SCAMP1: variants seen among roughly 807,000 people sequenced by gnomAD.
SCAMP1 encodes the protein secretory carrier membrane protein 1.
A neutral mutation model predicts 41.8 loss-of-function variants in SCAMP1; 15 were observed. The observed-to-expected ratio is 0.36, with a 90% CI of 0.24 to 0.55. The LOEUF is 0.55. SCAMP1 is among the 20% of genes least tolerant of loss of function. The probability of loss-of-function intolerance (pLI) is 0.86; values close to 1 mark genes in which losing one functional copy is unlikely to be tolerated. For synonymous variants in SCAMP1, 135 were observed against 136.8 expected (o/e 0.99, Z 0.09); for missense variants, 341 against 412.6 (o/e 0.83, Z 1.50).
chr5:78,370,907 C>A (rs1419208150), intron 1 of SCAMP1: 2 of 152,146 alleles, frequency 1.3e-5, no homozygotes, highest in African/African-American at 4.8e-5. Context: ...TTTTGATTTG[C>A]AGTCTGCTGA....
chr5:78,474,282 G>A (rs747225613), intron 8 of SCAMP1, among the ~76,000 whole-genome samples: 2 of 151,980 alleles, frequency 1.3e-5, no homozygotes, highest in African/African-American at 2.4e-5. Context: ...AAGAATTTTG[G>A]GGGGAACACA....
chr5:78,414,966 T>C lies in SCAMP1; in HGVS notation c.136-554T>C, dbSNP rs567630832. ...TTAAACTCAAAAGTTCTTTTTTTTT[T>C]TTTTTGAGATGGAGTCTTGCTCTGT... On this transcript the variant is annotated intron_variant, in intron 2 of 8. Coordinates refer to ENST00000621999, the MANE Select transcript of SCAMP1 (RefSeq NM_004866.6). Among the ~76,000 whole-genome samples, 3 of 151,900 alleles carry C rather than the reference T, an allele frequency of 2.0e-5. No homozygotes were observed. In the East Asian group the frequency reaches 5.8e-4, roughly 29 times the overall value.
In SCAMP1 at chr5:78,391,879, C is replaced by T. The variant is rs1037269808; in HGVS notation, c.135+2965C>T. Among the ~76,000 whole-genome samples, 14 of 152,284 alleles carry T rather than the reference C, an allele frequency of 9.2e-5. No individual in the cohort carries two copies. The South Asian group carries it at 1.7e-3, about 18-fold the overall frequency. ...AAAACTGGTCAGGCGTGGCGGCGCG[C>T]GCCTGCAATCGCAGGCACTCGGCAG... On this transcript the variant is annotated intron_variant, in intron 2 of 8. Transcript: ENST00000621999.
At chr5:78,428,608 A>C (rs994750712) in intron 6 of SCAMP1, among the ~76,000 whole-genome samples, 1 of 152,070 alleles carries the variant, frequency 6.6e-6, no homozygotes, top group Admixed American at 6.6e-5. Context: ...CATTTCATTT[A>C]AATTTTGGAC....
intron 8 of SCAMP1, among the ~76,000 whole-genome samples, chr5:78,469,802 G>A (rs569044769): frequency 6.7e-6 from 1 of 148,906 alleles, no homozygotes; most frequent in Non-Finnish European, 1.5e-5. Context: ...GGTTTGGGGG[G>A]CCGAGGCAAG....
At position 78,443,073 on chromosome 5, in the gene SCAMP1, T is replaced by TG. The variant is rs766497233; in HGVS notation, c.633-6859dup. On this transcript the variant is annotated intron_variant, in intron 6 of 8. Coordinates refer to ENST00000621999, the MANE Select transcript of SCAMP1 (RefSeq NM_004866.6). ...TACAAAAACAAAAATATTAGCTGGG[T>TG]GTGGTGGTGGGTGCCTGTAGTCCCA... Among the ~76,000 whole-genome samples, 22 of 150,946 alleles carry TG rather than the reference T, an allele frequency of 1.5e-4. No individual in the cohort carries two copies. The East Asian group carries it at 1.8e-3, about 12-fold the overall frequency.
At chr5:78,405,336 G>A (rs1248325845) in intron 2 of SCAMP1, among the ~76,000 whole-genome samples, 1 of 152,058 alleles carries the variant, frequency 6.6e-6, no homozygotes, top group Non-Finnish European at 1.5e-5. Context: ...CCCTCTCCCT[G>A]TGTATTCCTG....
intron 2 of SCAMP1, among the ~76,000 whole-genome samples, chr5:78,404,170 C>G (rs1751872471): frequency 6.7e-6 from 1 of 149,888 alleles, no homozygotes; most frequent in Admixed American, 6.7e-5. Flanking sequence ...TATGCTCATG[C>G]TTGCTTTATG....
intron 3 of SCAMP1, 47 bp downstream of exon 3, chr5:78,415,665 C>T (rs1752193491): frequency 8.7e-7 from 1 of 1,149,698 alleles, no homozygotes; most frequent in Non-Finnish European, 1.3e-6. Flanking sequence ...ATTATAATAT[C>T]AATAACATTT....
chr5:78,360,769 C>A (rs1044437240), intron 1 of SCAMP1, 41 bp downstream of exon 1: 4 of 1,572,162 alleles, frequency 2.5e-6, no homozygotes, highest in Non-Finnish European at 3.5e-6. Flanking sequence ...CGCGACGCGT[C>A]GTTGTTTGTG....
chr5:78,372,564 G>A (rs552795361), intron 1 of SCAMP1, among the ~76,000 whole-genome samples: 1 of 151,898 alleles, frequency 6.6e-6, no homozygotes, highest in East Asian at 1.9e-4. Flanking sequence ...AAAAAAATTA[G>A]ATGTCTTTTT....
chr5:78,396,440 A>T (rs1269158297), intron 2 of SCAMP1, among the ~76,000 whole-genome samples: 1 of 152,210 alleles, frequency 6.6e-6, no homozygotes, highest in Admixed American at 6.5e-5. Flanking sequence ...AAGTTAGTGA[A>T]GCAGGAAACC....
chr5:78,393,280 G>A (rs1751564789), intron 2 of SCAMP1, among the ~76,000 whole-genome samples: 1 of 152,122 alleles, frequency 6.6e-6, no homozygotes, highest in Admixed American at 6.5e-5. Context: ...GAGCTCAAGC[G>A]ATACTCCTGC....
intron 1 of SCAMP1, among the ~76,000 whole-genome samples, chr5:78,384,736 T>G (rs916418785): frequency 6.6e-6 from 1 of 152,222 alleles, no homozygotes; most frequent in African/African-American, 2.4e-5. Context: ...TTAATTCTGT[T>G]TATGTGGTGT....
intron 6 of SCAMP1, among the ~76,000 whole-genome samples, chr5:78,431,382 C>G (rs1354745517): frequency 6.6e-6 from 1 of 151,016 alleles, no homozygotes; most frequent in South Asian, 2.1e-4. Flanking sequence ...GTTGACAAGT[C>G]TATATATTAA....
chr5:78,381,066 C>CAA lies in SCAMP1; in HGVS notation c.58-7760_58-7759dup, dbSNP rs35373034. The stretch of plus-strand genomic sequence containing the variant: ...CCTGGGCAACAGCAAGACTCCGTCT[C>CAA]AAAAAAAAAAAACTGTTTCTTGTTT... On this transcript the variant is annotated intron_variant, in intron 1 of 8. Coordinates refer to ENST00000621999, the MANE Select transcript of SCAMP1 (RefSeq NM_004866.6). Among the ~76,000 whole-genome samples the CAA allele has an allele frequency of 6.3e-4, 90 of 143,880 alleles. 1 individual carries two copies. Among genetic ancestry groups the CAA allele is most frequent in the Middle Eastern group, 3.6e-3 (1 of 278 alleles). The allele number at this position is 143,880 out of a possible 152,430, so 94.4% of individuals were successfully genotyped here.
chr5:78,449,573 G>A (rs748759886), intron 6 of SCAMP1, among the ~76,000 whole-genome samples: 1 of 152,132 alleles, frequency 6.6e-6, no homozygotes, highest in Non-Finnish European at 1.5e-5. Flanking sequence ...TTATTAAAGC[G>A]ATATTTTAAA....
intron 6 of SCAMP1, among the ~76,000 whole-genome samples, chr5:78,446,595 A>G (rs900054643): frequency 3.3e-5 from 5 of 152,192 alleles, no homozygotes; most frequent in Non-Finnish European, 5.9e-5. Context: ...TCAAAATAGT[A>G]AAAGAAAAAT....
At chr5:78,403,980 A>G (rs13176139) in intron 2 of SCAMP1, among the ~76,000 whole-genome samples, 1,990 of 133,700 alleles carry the variant, frequency 0.015, 25 homozygotes, top group Middle Eastern at 0.045. Flanking sequence ...AAAAAAAAAA[A>G]GGGATGGTGG....
Sources: allele counts gnomAD v4.1 joint callset (sites outside exome capture counted in the v4.1 genomes callset), GRCh38; gene constraint gnomAD v4.1.1; transcripts MANE v1.5; gene names NCBI Gene and HGNC (gene_info 2026-07-23, HGNC 2026-07-21).